SPAG5: variants seen among roughly 807,000 people sequenced by gnomAD.
SPAG5 encodes the protein sperm associated antigen 5, also known as sperm-associated antigen 5.
In SPAG5, 99 loss-of-function variants were observed where a neutral mutation model predicts 145.4. That is an observed-to-expected ratio of 0.68 (90% CI 0.58 to 0.80). The LOEUF (loss-of-function observed/expected upper bound fraction) is 0.80, where lower values mean the gene tolerates loss of function less well. SPAG5 is among the 30% of genes least tolerant of loss of function. The pLI, the probability that SPAG5 is intolerant of heterozygous loss-of-function variation, is 0.00. For synonymous variants in SPAG5, 477 were observed against 525.4 expected, an observed-to-expected ratio of 0.91 and a Z score of 1.26; for missense variants, 1,192 against 1,416.0, an observed-to-expected ratio of 0.84 and a Z score of 2.54.
chr17:28,591,116 T>C (rs544092441), intron 4 of SPAG5, among the ~76,000 whole-genome samples: 7 of 152,278 alleles, frequency 4.6e-5, no homozygotes, highest in South Asian at 4.1e-4. Flanking sequence ...TTTCTTAAAA[T>C]ATTAAATATA....
At chr17:28,581,746 ATC>A (rs2070550399) in intron 15 of SPAG5, among the ~76,000 whole-genome samples, 1 of 151,940 alleles carries the variant, frequency 6.6e-6, no homozygotes, top group Non-Finnish European at 1.5e-5. Context: ...CCTCAGTCTC[ATC>A]TCTCTCTCAG....
chr17:28,579,656 G>A, intron 17 of SPAG5, 95 bp downstream of exon 17: 1 of 1,422,172 alleles, frequency 7.0e-7, no homozygotes, highest in South Asian at 1.2e-5. Context: ...TAGAATTGAG[G>A]TTTTTAGAGC....
chr17:28,593,564 A>G (rs2070639553), intron 2 of SPAG5, among the ~76,000 whole-genome samples: 1 of 152,132 alleles, frequency 6.6e-6, no homozygotes, highest in South Asian at 2.1e-4. Flanking sequence ...CTAAAAATAC[A>G]AACATTAGCC....
chr17:28,592,512 A>G lies in SPAG5; in HGVS notation c.732T>C (p.Ser244=). 6.2e-7 allele frequency: 1 copy of G among 1,614,172 alleles called. No homozygotes were observed. The highest frequency in any genetic ancestry group is 2.2e-5 in the East Asian group (1 of 44,892). The change falls in exon 3 of 24, where the codon TCT becomes TCC. Residue 244 remains serine (S), a synonymous_variant. Transcript: ENST00000321765. ...CAGTTGAAGGGGAAAGCCAGAGAACAGAGGAAGGCAAGAAGGCGTTACTTT... is the reference window on the plus strand; with the variant it reads ...CAGTTGAAGGGGAAAGCCAGAGAACGGAGGAAGGCAAGAAGGCGTTACTTT... The part of the protein sequence containing the change: ...PSESNAFLPS[S]VLWLSPSTAL...
Position 28,591,976 on chromosome 17 carries a change from G to A in SPAG5, c.1262+6C>T, listed in dbSNP as rs759295376. The A allele has an allele frequency of 1.1e-5, 17 of 1,613,214 alleles. No individual in the cohort carries two copies. The East Asian group carries it at 1.1e-4, about 11-fold the overall frequency. On this transcript the variant is annotated splice_donor_region_variant and intron_variant, in intron 3 of 23. Coordinates refer to ENST00000321765, the MANE Select transcript of SPAG5 (RefSeq NM_006461.4). ...TCACGAGGTGCAAGGACATAGGGGC[G>A]CTTACCCACACAGGAGCTGCTCTGT...
At chr17:28,598,749 C>G in intron 1 of SPAG5, 114 bp from the exon 2 acceptor site, 1 of 1,522,952 alleles carries the variant, frequency 6.6e-7, no homozygotes, top group Non-Finnish European at 9.0e-7. Context: ...CGCTCGCACC[C>G]TAGTCGCGCA....
chr17:28,582,306 T>TA (rs1268247822), intron 15 of SPAG5, among the ~76,000 whole-genome samples: 1 of 152,146 alleles, frequency 6.6e-6, no homozygotes, highest in African/African-American at 2.4e-5. Context: ...GTAGACACTA[T>TA]AAAAAAGAAC....
intron 16 of SPAG5, 56 bp from the exon 17 acceptor site, chr17:28,579,893 T>C: frequency 6.4e-7 from 1 of 1,570,136 alleles, no homozygotes; most frequent in African/African-American, 1.3e-5. Context: ...GGCAGGGGTC[T>C]ACCATAATGG....
At chr17:28,594,278 G>C (rs1038542846) in intron 2 of SPAG5, among the ~76,000 whole-genome samples, 1 of 152,194 alleles carries the variant, frequency 6.6e-6, no homozygotes, top group Non-Finnish European at 1.5e-5. Context: ...GCTTTAGATA[G>C]AAAGTCCAAT....
chr17:28,577,974 G>C (rs756238806), intron 23 of SPAG5, 36 bp downstream of exon 23: 1 of 1,556,122 alleles, frequency 6.4e-7, no homozygotes, highest in Non-Finnish European at 8.9e-7. Flanking sequence ...CCTTGTACCA[G>C]GTTCATTAGT....
chr17:28,580,601 T>C (rs556917671), intron 15 of SPAG5: 1 of 152,300 alleles, frequency 6.6e-6, no homozygotes, highest in Non-Finnish European at 1.5e-5. Context: ...CTATTTGATA[T>C]TGATGACCAC....
In SPAG5 at chr17:28,592,453, T is replaced by C. The variant is rs149082771; in HGVS notation, c.791A>G (p.Asp264Gly). The part of the protein sequence containing the change: ...LAADFRVNHV[D>G]PEEEIVEHGA... ...ATGCTCTACAATTTCCTCCTCTGGG[T>C]CCACATGATTGACACGGAAATCTGC... The change falls in exon 3 of 24, where the codon GAC becomes GGC. Residue 264 changes from aspartate (D) to glycine (G), a missense_variant. Asp to Gly is a moderately conservative substitution (Grantham distance 94, BLOSUM62 -1). Coordinates refer to ENST00000321765, the MANE Select transcript of SPAG5 (RefSeq NM_006461.4). 8.1e-6 allele frequency: 13 copies of C among 1,613,578 alleles called. No homozygotes were observed. Among genetic ancestry groups the C allele is most frequent in the Non-Finnish European group, 1.0e-5 (12 of 1,180,042 alleles).
chr17:28,596,944 A>C (rs2070669539), intron 2 of SPAG5, among the ~76,000 whole-genome samples: 1 of 151,114 alleles, frequency 6.6e-6, no homozygotes, highest in South Asian at 2.1e-4. Flanking sequence ...GTCTTTACTG[A>C]AAATACAAAA....
intron 4 of SPAG5, among the ~76,000 whole-genome samples, chr17:28,588,154 G>A (rs2070598245): frequency 1.3e-5 from 2 of 152,202 alleles, no homozygotes; most frequent in Non-Finnish European, 2.9e-5. Flanking sequence ...CTGCTGCATC[G>A]TGAAATAAGG....
At chr17:28,578,176 C>CGATGGT (rs749584242) in intron 22 of SPAG5, 42 bp downstream of exon 22, 1 of 1,611,668 alleles carries the variant, frequency 6.2e-7, no homozygotes, top group South Asian at 1.1e-5. Context: ...CATTTGTTAA[C>CGATGGT]GATGGTAGGA....
intron 16 of SPAG5, 67 bp downstream of exon 16, chr17:28,579,942 T>C: frequency 6.5e-7 from 1 of 1,531,834 alleles, no homozygotes; most frequent in South Asian, 1.1e-5. Flanking sequence ...GGTGGACATC[T>C]TCAACAGCAG....
At position 28,584,733 on chromosome 17, in the gene SPAG5, G is replaced by A; in HGVS notation, c.2080C>T (p.Leu694=). The A allele has an allele frequency of 6.2e-7, 1 of 1,613,414 alleles. No individual in the cohort carries two copies. Among genetic ancestry groups the A allele is most frequent in the Non-Finnish European group, 8.5e-7 (1 of 1,179,410 alleles). ...TCTAACTGGGCAGAGACTTGTTCCA[G>A]CACCCTAGAAACCTAGGAAGAACAG... ...IEEKQEVSRV[L]EQVSAQLEEC... Residue 694 remains leucine (L), a synonymous_variant, in exon 11 of 24, where the codon CTG becomes TTG. Coordinates refer to ENST00000321765, the MANE Select transcript of SPAG5 (RefSeq NM_006461.4).
At chr17:28,594,600 A>C (rs2070647735) in intron 2 of SPAG5, among the ~76,000 whole-genome samples, 1 of 152,036 alleles carries the variant, frequency 6.6e-6, no homozygotes, top group African/African-American at 2.4e-5. Flanking sequence ...GTCTCAAAAA[A>C]TAATAATAAT....
In SPAG5 at chr17:28,579,484, C is replaced by G. The variant is rs776176906; in HGVS notation, c.2886G>C (p.Glu962Asp). The G allele has an allele frequency of 2.7e-5, 44 of 1,613,334 alleles. No individual in the cohort carries two copies. Among genetic ancestry groups the G allele is most frequent in the Non-Finnish European group, 3.7e-5 (44 of 1,179,754 alleles). ...CCAGGCTCTCCTCCATGCCTGGGGT[C>G]TCTGAAAGAGAAAGTCCCAGATAGA... is the stretch of plus-strand genomic sequence containing the variant. ...VASMVSLQPA[E>D]TPGMEESLAE... is the part of the protein sequence containing the mutation. The change falls in exon 18 of 24, where the codon GAG becomes GAC. Residue 962 changes from glutamate (E) to aspartate (D), a missense_variant and splice_region_variant. This residue lies in a region of SPAG5 where 709 missense variants were observed against 840.7 expected (regional missense o/e 0.84). Transcript: ENST00000321765.
Sources: allele counts gnomAD v4.1 joint callset (sites outside exome capture counted in the v4.1 genomes callset), GRCh38; gene constraint gnomAD v4.1.1; regional missense constraint gnomAD v4.1.1; transcripts MANE v1.5; gene names NCBI Gene and HGNC (gene_info 2026-07-23, HGNC 2026-07-21).